Variants in COQ7 observed in about 807,000 individuals in gnomAD.
COQ7 encodes the protein coenzyme Q7, hydroxylase.
A neutral mutation model predicts 25.0 loss-of-function variants in COQ7; 21 were observed. The ratio of observed to expected loss-of-function variants is 0.84; its 90% CI spans 0.60 to 1.21. The LOEUF is 1.21. Ranked by LOEUF, COQ7 falls within the 50% of genes most tolerant of loss-of-function variation. The pLI, the probability that COQ7 is intolerant of heterozygous loss-of-function variation, is 0.00. For synonymous variants in COQ7, 125 were observed against 112.4 expected (o/e 1.11, Z -0.71); for missense variants, 311 against 296.2 (o/e 1.05, Z -0.37).
At chr16:19,077,204 C>G (rs1230608848) in intron 4 of COQ7, 102 bp from the exon 5 acceptor site, 25 of 977,158 alleles carry the variant, frequency 2.6e-5, no homozygotes, top group Middle Eastern at 2.2e-4. Flanking sequence ...AAGCTGGCCT[C>G]CCTGTCTTAG....
Position 19,067,767 on chromosome 16 carries a change from C to T in COQ7, c.73+30C>T, listed in dbSNP as rs1287481196. On this transcript the variant is annotated intron_variant, in intron 1 of 5. Transcript: ENST00000321998. Reference sequence around the variant, plus strand: ...AAGGAGGCGCGCAGTCACAGTCCTGCGCCGGTCTAGCGAGCTAGGGAATTT... The same window carrying T: ...AAGGAGGCGCGCAGTCACAGTCCTGTGCCGGTCTAGCGAGCTAGGGAATTT... 5.0e-6 allele frequency: 8 copies of T among 1,589,810 alleles called. No homozygotes were observed. The East Asian group carries it at 1.6e-4, about 31-fold the overall frequency.
rs1226912064 is a variant in COQ7 at position 19,076,614 on chromosome 16, A to G, written c.508-692A>G. On this transcript the variant is annotated intron_variant, in intron 4 of 5. Transcript: ENST00000321998. ...TTTTTTTTTTTTTTTTTTTTTTTTG[A>G]GATGGAGTCTCACTCTGTCCCCAAG... 7.1e-3 allele frequency among the ~76,000 whole-genome samples: 425 copies of G among 59,874 alleles called. 14 individuals carry two copies. The Admixed American group carries it at 0.073, about 10-fold the overall frequency. 39.3% of individuals were successfully genotyped at this position (59,874 alleles called of 152,430 possible). A position where few individuals can be genotyped will look rare whatever the true frequency, so the allele number is the denominator to read the frequency against.
intron 1 of COQ7, chr16:19,068,792 G>A: frequency 2.3e-6 from 1 of 433,246 alleles, no homozygotes; most frequent in South Asian, 1.7e-5. Context: ...TTTTTGTATA[G>A]CTATGTCCCA....
chr16:19,078,430 A>G lies in COQ7; in HGVS notation c.*272A>G, dbSNP rs1204062315. 1 of 226,790 alleles carries G rather than the reference A, an allele frequency of 4.4e-6. No individual in the cohort carries two copies. The highest frequency in any genetic ancestry group is 8.6e-5 in the East Asian group (1 of 11,658). 14.0% of individuals were successfully genotyped at this position (226,790 alleles called of 1,614,324 possible). A position where few individuals can be genotyped will look rare whatever the true frequency, so the allele number is the denominator to read the frequency against. On this transcript the variant is annotated 3_prime_UTR_variant, in exon 6 of 6. Coordinates refer to ENST00000321998, the MANE Select transcript of COQ7 (RefSeq NM_016138.5). ...GGTCTCATACTTAATTTTCTTTTATATACATGTTTTTCTTTTACATGCATA... is the reference window on the plus strand; with the variant it reads ...GGTCTCATACTTAATTTTCTTTTATGTACATGTTTTTCTTTTACATGCATA...
rs60523088 is a variant in COQ7, at chr16:19,077,590, C to CTTTTTTTTTTTTTTTTTTTTTTTTTTT, written c.576+230_576+231insTTTTTTTTTTTTTTTTTTTTTTTTTTT. On this transcript the variant is annotated intron_variant, in intron 5 of 5. Transcript: ENST00000321998. ...TATGCCTTCTCCTTTTCCCCAGAAG[C>CTTTTTTTTTTTTTTTTTTTTTTTTTTT]TTTTTTTTTTTTTTCCCAGACACAG... Among the ~76,000 whole-genome samples, 82 of 74,402 alleles carry CTTTTTTTTTTTTTTTTTTTTTTTTTTT rather than the reference C, an allele frequency of 1.1e-3. 19 individuals are homozygous for CTTTTTTTTTTTTTTTTTTTTTTTTTTT. The highest frequency in any genetic ancestry group is 1.1e-3 in the South Asian group (2 of 1,802). 48.8% of individuals were successfully genotyped at this position (74,402 alleles called of 152,430 possible).
intron 4 of COQ7, 133 bp from the exon 5 acceptor site, chr16:19,077,173 C>A: frequency 1.4e-6 from 1 of 706,456 alleles, no homozygotes. Context: ...AAAGTATTTA[C>A]TCTCTGGCCC....
intron 3 of COQ7, 72 bp from the exon 4 acceptor site, chr16:19,075,649 C>T: frequency 1.3e-6 from 2 of 1,491,184 alleles, no homozygotes; most frequent in Non-Finnish European, 1.8e-6. Context: ...TTAAGAAGCC[C>T]TGGCCACAGA....
chr16:19,077,402 T>C (rs575831043), intron 5 of COQ7, 28 bp downstream of exon 5: 1 of 1,597,616 alleles, frequency 6.3e-7, no homozygotes, highest in African/African-American at 1.3e-5. Flanking sequence ...CCTGTTCTGC[T>C]TTGGGACTCC....
At chr16:19,077,783 G>A (rs1007463308) in intron 5 of COQ7, among the ~76,000 whole-genome samples, 12 of 151,630 alleles carry the variant, frequency 7.9e-5, no homozygotes, top group African/African-American at 2.2e-4. Context: ...AGTGGAGACC[G>A]AGTTTTCACT....
chr16:19,068,837 C>T (rs1962390411), intron 1 of COQ7: 3 of 449,094 alleles, frequency 6.7e-6, no homozygotes, highest in Non-Finnish European at 4.5e-6. Flanking sequence ...GAAACAAAAT[C>T]CTTATGGTGA....
At chr16:19,068,399 C>T (rs1175551783) in intron 1 of COQ7, 1 of 989,954 alleles carries the variant, frequency 1.0e-6, no homozygotes, top group Non-Finnish European at 1.2e-6. Flanking sequence ...GGCCTATAAT[C>T]TCAGCACTTT....
chr16:19,074,235 A>T (rs1962715710), intron 3 of COQ7, 200 bp downstream of exon 3: 3 of 379,542 alleles, frequency 7.9e-6, no homozygotes, highest in African/African-American at 4.3e-5. Context: ...TCAGTACTTT[A>T]AAAAAAAAGG....
At chr16:19,067,920 G>T (rs1284287005) in intron 1 of COQ7, 183 bp downstream of exon 1, 2 of 1,475,438 alleles carry the variant, frequency 1.4e-6, no homozygotes, top group African/African-American at 1.4e-5. Flanking sequence ...TGTAGTTAGC[G>T]GCGAGAGTGA....
intron 5 of COQ7, among the ~76,000 whole-genome samples, chr16:19,077,590 C>CTTTTATTTTTTTTTTT (rs1962919014): frequency 1.3e-5 from 1 of 74,378 alleles, no homozygotes; most frequent in Non-Finnish European, 2.6e-5. Context: ...TCCCCAGAAG[C>CTTTTATTTTTTTTTTT]TTTTTTTTTT....
At chr16:19,080,286 A>C (rs1963067730), downstream of COQ7, among the ~76,000 whole-genome samples, 1 of 152,212 alleles carries the variant, frequency 6.6e-6, no homozygotes, top group Non-Finnish European at 1.5e-5. Flanking sequence ...ATTTTTATGT[A>C]ATAGTAAAGG....
Position 19,079,898 on chromosome 16 carries a change from G to A in COQ7, c.*1740G>A, listed in dbSNP as rs1963050700. ...GAGTGAAAGTCTACGAATCATAATT[G>A]TAATAAATTAAGGCTGGGCATTTGT... On this transcript the variant is annotated 3_prime_UTR_variant, in exon 6 of 6. Transcript: ENST00000321998. 2 of 152,194 alleles carry A rather than the reference G, an allele frequency of 1.3e-5. No individual in the cohort carries two copies. The allele number at this position is 152,194 out of a possible 1,614,324, so 9.4% of individuals were successfully genotyped here. A position where few individuals can be genotyped will look rare whatever the true frequency, so the allele number is the denominator to read the frequency against.
chr16:19,068,099 C>T (rs1034583072), intron 1 of COQ7: 2 of 1,098,484 alleles, frequency 1.8e-6, no homozygotes, highest in African/African-American at 3.3e-5. Context: ...TTGCCCAGGG[C>T]CTTGCCAGGC....
In COQ7 at chr16:19,078,082, CTCCAGCCTATGCCG is replaced by C; in HGVS notation, c.582_595del (p.Ala195GlufsTer54). On this transcript the variant is annotated frameshift_variant and splice_region_variant, in exon 6 of 6. Transcript: ENST00000321998. LOFTEE classifies it high-confidence loss of function. ...TTGTTTGCTTATTGTTTTTAACAGG[CTCCAGCCTATGCCG>C]TCCTGAAGAGCATTATCCAGGCCGG... 1 of 1,595,770 alleles carries C rather than the reference CTCCAGCCTATGCCG, an allele frequency of 6.3e-7. No individual in the cohort carries two copies. Among genetic ancestry groups the C allele is most frequent in the Non-Finnish European group, 8.5e-7 (1 of 1,171,910 alleles).
At chr16:19,068,104 C>T in intron 1 of COQ7, 8 of 1,090,868 alleles carry the variant, frequency 7.3e-6, no homozygotes, top group Non-Finnish European at 8.9e-6. Flanking sequence ...CAGGGCCTTG[C>T]CAGGCAAAGG....
Sources: allele counts gnomAD v4.1 joint callset (sites outside exome capture counted in the v4.1 genomes callset), GRCh38; gene constraint gnomAD v4.1.1; transcripts MANE v1.5; gene names NCBI Gene and HGNC (gene_info 2026-07-23, HGNC 2026-07-21).